The following CD226 variants were observed in gnomAD, a reference collection of about 807,000 sequenced individuals.
CD226 encodes CD226 antigen.
Under a neutral mutation model 34.9 loss-of-function variants are expected in CD226, and 24 were observed. The observed-to-expected ratio is 0.69, with a 90% CI of 0.50 to 0.97. The LOEUF is 0.97. CD226 is among the 50% of genes least tolerant of loss of function. The pLI is 0.00. For synonymous variants in CD226, 148 were observed against 147.4 expected, an observed-to-expected ratio of 1.00 and a Z score of -0.03; for missense variants, 397 against 412.7, an observed-to-expected ratio of 0.96 and a Z score of 0.33.
At chr18:69,942,977 C>T (rs1568206209) in intron 2 of CD226, among the ~76,000 whole-genome samples, 1 of 152,194 alleles carries the variant, frequency 6.6e-6, no homozygotes, top group African/African-American at 2.4e-5. Flanking sequence ...TCTACCATGG[C>T]CCTCCCTGGT....
At chr18:69,885,556 C>A (rs542887578) in intron 3 of CD226, among the ~76,000 whole-genome samples, 1 of 152,168 alleles carries the variant, frequency 6.6e-6, no homozygotes, top group Non-Finnish European at 1.5e-5. Context: ...ACACAGGAAG[C>A]GTCCAGTGGG....
rs1265415532 is a variant in CD226, at chr18:69,895,829, C to T, written c.599G>A (p.Ser200Asn). Residue 200 changes from serine to asparagine, a missense_variant, in exon 3 of 6, where the codon AGC becomes AAC. Physicochemically the swap from Ser to Asn is conservative, Grantham distance 46. Coordinates refer to ENST00000582621, the MANE Select transcript of CD226 (RefSeq NM_001303618.2). The stretch of plus-strand genomic sequence containing the variant: ...GACGATGACGCTCCACCTTCCGTGG[C>T]TGCAGTTGCTCACTATTTGTCTTGG... ...KFPRQIVSNC[S>N]HGRWSVIVIP... The T allele has an allele frequency of 2.5e-6, 4 of 1,614,084 alleles. No homozygotes were observed. The highest frequency in any genetic ancestry group is 3.4e-6 in the Non-Finnish European group (4 of 1,180,054).
At chr18:69,936,036 C>T (rs982506839) in intron 2 of CD226, among the ~76,000 whole-genome samples, 2 of 152,156 alleles carry the variant, frequency 1.3e-5, no homozygotes, top group South Asian at 2.1e-4. Flanking sequence ...GGGTGTCTCA[C>T]GGGGCATAAA....
At chr18:69,958,557 A>C (rs2055913901), upstream of CD226, among the ~76,000 whole-genome samples, 1 of 152,164 alleles carries the variant, frequency 6.6e-6, no homozygotes, top group South Asian at 2.1e-4. Context: ...TGGGCCCTGA[A>C]GTGAACCTCA....
chr18:69,938,445 C>A (rs968531688), intron 2 of CD226, among the ~76,000 whole-genome samples: 1 of 152,204 alleles, frequency 6.6e-6, no homozygotes, highest in Admixed American at 6.5e-5. Context: ...TTAACCCCAT[C>A]CATCCACATG....
intron 4 of CD226, 119 bp downstream of exon 4, chr18:69,873,025 T>C (rs1983631221): frequency 2.9e-6 from 2 of 696,050 alleles, no homozygotes; most frequent in African/African-American, 3.6e-5. Context: ...TCCTTTGTGT[T>C]AGAACAGTAC....
rs1338126582 is a variant in CD226, at chr18:69,862,647, T to A, written c.*1667A>T. On this transcript the variant is annotated 3_prime_UTR_variant, in exon 6 of 6. Transcript: ENST00000582621. ...TCACAAATTTTATAATTCACAGAAA[T>A]GTGGGCACTTACCATTTCTGTAATT... The A allele has an allele frequency of 6.6e-6, 1 of 151,030 alleles. No individual in the cohort carries two copies. The highest frequency in any genetic ancestry group is 6.6e-5 in the Admixed American group (1 of 15,128). 9.4% of individuals were successfully genotyped at this position (151,030 alleles called of 1,614,324 possible).
intron 2 of CD226, among the ~76,000 whole-genome samples, chr18:69,935,701 C>T (rs368314721): frequency 2.0e-5 from 3 of 152,108 alleles, no homozygotes; most frequent in African/African-American, 7.2e-5. Flanking sequence ...GAGGAAAAAC[C>T]AAGAACTGTG....
At chr18:69,911,292 G>A (rs563059850) in intron 2 of CD226, among the ~76,000 whole-genome samples, 8 of 152,276 alleles carry the variant, frequency 5.3e-5, no homozygotes, top group Middle Eastern at 3.4e-3. Flanking sequence ...TTGAGGAAGG[G>A]TAATAGAGTG....
intron 2 of CD226, among the ~76,000 whole-genome samples, chr18:69,911,862 GTAT>G (rs2055329937): frequency 6.6e-6 from 1 of 152,156 alleles, no homozygotes; most frequent in Non-Finnish European, 1.5e-5. Context: ...ATGTGTGTGT[GTAT>G]TACTAATAAG....
At chr18:69,875,778 G>T (rs527830325) in intron 3 of CD226, among the ~76,000 whole-genome samples, 2 of 152,304 alleles carry the variant, frequency 1.3e-5, no homozygotes, top group Admixed American at 1.3e-4. Context: ...GGATGAATTT[G>T]GAGGACATTA....
At chr18:69,941,278 A>G (rs1038570644) in intron 2 of CD226, among the ~76,000 whole-genome samples, 4 of 152,244 alleles carry the variant, frequency 2.6e-5, no homozygotes, top group Non-Finnish European at 4.4e-5. Flanking sequence ...ACTGTCTAGT[A>G]GAGCTGTGAG....
intron 2 of CD226, among the ~76,000 whole-genome samples, chr18:69,943,717 G>T (rs2055754280): frequency 6.6e-6 from 1 of 152,112 alleles, no homozygotes; most frequent in South Asian, 2.1e-4. Flanking sequence ...GAAACTTAGG[G>T]CCTTGGAAAG....
chr18:69,860,502 C>T lies in CD226; in HGVS notation c.*3812G>A, dbSNP rs1982757969. 6.6e-6 allele frequency: 1 copy of T among 152,102 alleles called. No homozygotes were observed. The highest frequency in any genetic ancestry group is 1.5e-5 in the Non-Finnish European group (1 of 68,010). The allele number at this position is 152,102 out of a possible 1,614,324, so 9.4% of individuals were successfully genotyped here. On this transcript the variant is annotated 3_prime_UTR_variant, in exon 6 of 6. Coordinates refer to ENST00000582621, the MANE Select transcript of CD226 (RefSeq NM_001303618.2). ...TGAATCTGGAAAAATATGTGTAAAC[C>T]GACCTTGAGGATTTATAAAATTTCC...
At chr18:69,906,629 C>T (rs145706361) in intron 2 of CD226, among the ~76,000 whole-genome samples, 164 of 152,280 alleles carry the variant, frequency 1.1e-3, no homozygotes, top group African/African-American at 3.6e-3. Context: ...AAATATTTCA[C>T]GCTTTAACTG....
intron 3 of CD226, among the ~76,000 whole-genome samples, chr18:69,883,385 T>TCAAA (rs760471690): frequency 6.6e-6 from 1 of 152,050 alleles, no homozygotes; most frequent in Non-Finnish European, 1.5e-5. Flanking sequence ...GGGACCAAAT[T>TCAAA]CAAACAAACA....
At position 69,864,392 on chromosome 18, in the gene CD226, A is replaced by T; in HGVS notation, c.933T>A (p.Asn311Lys). The change falls in exon 6 of 6, where the codon AAT becomes AAA. Residue 311 changes from asparagine (N) to lysine (K), a missense_variant. Physicochemically the swap from Asn to Lys is moderately conservative, Grantham distance 94. Transcript: ENST00000582621. ...RSPISTSQPTNQSMDDTREDI... is the reference protein window; with the variant it reads ...RSPISTSQPTKQSMDDTREDI... Reference sequence around the variant, plus strand: ...CCTCTCTTGTATCATCCATGGATTGATTGGTAGGTTGACTGGTAGAGATGG... The same window carrying T: ...CCTCTCTTGTATCATCCATGGATTGTTTGGTAGGTTGACTGGTAGAGATGG... 6.2e-7 allele frequency: 1 copy of T among 1,613,408 alleles called. No individual in the cohort carries two copies. The highest frequency in any genetic ancestry group is 8.5e-7 in the Non-Finnish European group (1 of 1,179,472).
In CD226 at chr18:69,861,669, G is replaced by C. The variant is rs1311095873; in HGVS notation, c.*2645C>G. ...TACTGGAATTCTGATCGTTTATTCTGTGGATCTGTTTTTCATCTGCTTTCT... is the reference window on the plus strand; with the variant it reads ...TACTGGAATTCTGATCGTTTATTCTCTGGATCTGTTTTTCATCTGCTTTCT... On this transcript the variant is annotated 3_prime_UTR_variant, in exon 6 of 6. Transcript: ENST00000582621. The C allele has an allele frequency of 6.6e-6, 1 of 151,150 alleles. No homozygotes were observed. Among genetic ancestry groups the C allele is most frequent in the Non-Finnish European group, 1.5e-5 (1 of 67,752 alleles). The allele number at this position is 151,150 out of a possible 1,614,324, so 9.4% of individuals were successfully genotyped here.
intron 2 of CD226, among the ~76,000 whole-genome samples, chr18:69,900,645 T>C (rs1402853526): frequency 6.9e-6 from 1 of 145,642 alleles, no homozygotes; most frequent in Non-Finnish European, 1.5e-5. Context: ...GGCAGGAGAA[T>C]GGCGTGAACC....
Sources: gnomAD v4.1 joint callset for allele counts (sites outside exome capture counted in the v4.1 genomes callset) on GRCh38, gnomAD v4.1.1 for gene constraint, MANE v1.5 for transcripts, NCBI Gene and HGNC (gene_info 2026-07-23, HGNC 2026-07-21) for gene names.